CEP89: variants seen among roughly 807,000 people sequenced by gnomAD.
CEP89 encodes centrosomal protein 89, also known as centrosomal protein of 89 kDa.
CEP89 carries 95 observed loss-of-function variants against 97.6 expected under a neutral mutation model. That is an observed-to-expected ratio of 0.97 (90% confidence interval 0.82 to 1.15). The LOEUF is 1.15. Ranked by LOEUF, CEP89 falls within the 50% of genes most tolerant of loss-of-function variation. The pLI, the probability that CEP89 is intolerant of heterozygous loss-of-function variation, is 0.00. For synonymous variants in CEP89, 354 were observed against 349.1 expected, an observed-to-expected ratio of 1.01 and a Z score of -0.16; for missense variants, 869 against 947.7, an observed-to-expected ratio of 0.92 and a Z score of 1.09.
At chr19:32,930,063 T>C (rs1970440464) in intron 9 of CEP89, among the ~76,000 whole-genome samples, 1 of 150,468 alleles carries the variant, frequency 6.6e-6, no homozygotes, top group Admixed American at 6.6e-5. Context: ...ACTCTCTCTG[T>C]CACCCAGGCT....
rs1344331570 is a variant in CEP89, at chr19:32,963,917, C to CACAT, written c.146+2442_146+2443insATGT. The CACAT allele has an allele frequency of 4.8e-5, 7 of 146,118 alleles. No homozygotes were observed. In the South Asian group the frequency reaches 1.5e-3, roughly 32 times the overall value. The allele number at this position is 146,118 out of a possible 1,614,324, so 9.1% of individuals were successfully genotyped here. A position where few individuals can be genotyped will look rare whatever the true frequency, so the allele number is the denominator to read the frequency against. On this transcript the variant is annotated intron_variant, in intron 2 of 18. Transcript: ENST00000305768. ...CCACACACACACACACACACACACA[C>CACAT]ACGCACTCACACGCATGCACATGAA...
intron 4 of CEP89, among the ~76,000 whole-genome samples, chr19:32,951,559 AC>A (rs1970918743): frequency 6.6e-6 from 1 of 150,930 alleles, no homozygotes; most frequent in Non-Finnish European, 1.5e-5. Context: ...ACACACACAC[AC>A]ACACACGCAC....
rs45470694 is a variant in CEP89, at chr19:32,881,950, C to A, written c.2029G>T (p.Glu677Ter). 3 of 1,596,406 alleles carry A rather than the reference C, an allele frequency of 1.9e-6. No individual in the cohort carries two copies. Among genetic ancestry groups the A allele is most frequent in the Non-Finnish European group, 1.7e-6 (2 of 1,172,184 alleles). Reference protein sequence around the residue: ...DISHRLLEQQEDFAGKTAQYR... With the variant: ...DISHRLLEQQ The stretch of plus-strand genomic sequence containing the variant: ...TGGGCTGTCTTGCCGGCGAAGTCCT[C>A]CTGCTGCTCCAGCAGACGGTGACTG... Residue 677 changes from glutamate (E) to a stop codon, truncating the protein, a stop_gained, in exon 18 of 19, where the codon GAG (glutamate) becomes TAG (stop). Transcript: ENST00000305768. LOFTEE classifies it high-confidence loss of function.
chr19:32,904,132 C>T (rs141771269), intron 14 of CEP89, among the ~76,000 whole-genome samples: 1 of 152,284 alleles, frequency 6.6e-6, no homozygotes, highest in East Asian at 1.9e-4. Flanking sequence ...TGCACTCCAG[C>T]CTGTCCAACA....
intron 9 of CEP89, among the ~76,000 whole-genome samples, chr19:32,928,848 C>T (rs960559746): frequency 2.6e-5 from 4 of 152,154 alleles, no homozygotes; most frequent in Admixed American, 6.5e-5. Flanking sequence ...CAGGCCCTTC[C>T]TCCCTGCTCT....
intron 9 of CEP89, among the ~76,000 whole-genome samples, chr19:32,929,354 C>A (rs571540014): frequency 6.6e-6 from 1 of 152,204 alleles, no homozygotes; most frequent in Non-Finnish European, 1.5e-5. Context: ...GTAATCCCAG[C>A]ACTTTGGGAG....
intron 16 of CEP89, among the ~76,000 whole-genome samples, chr19:32,889,337 G>A (rs1480472553): frequency 6.6e-6 from 1 of 152,182 alleles, no homozygotes; most frequent in East Asian, 1.9e-4. Context: ...GATAGCGGGT[G>A]TCTGCTTGGA....
chr19:32,923,412 A>G (rs1210468050), intron 12 of CEP89, 27 bp downstream of exon 12: 1 of 1,175,016 alleles, frequency 8.5e-7, no homozygotes, highest in Non-Finnish European at 1.2e-6. Flanking sequence ...TAAATTAGCA[A>G]AAGAGCAGAA....
At chr19:32,894,024 G>A (rs2145879502) in intron 16 of CEP89, among the ~76,000 whole-genome samples, 1 of 152,208 alleles carries the variant, frequency 6.6e-6, no homozygotes, top group South Asian at 2.1e-4. Flanking sequence ...TAGAAAGAAA[G>A]AAAAAACAAA....
intron 5 of CEP89, among the ~76,000 whole-genome samples, chr19:32,942,555 A>T (rs1332605084): frequency 6.6e-6 from 1 of 152,228 alleles, no homozygotes; most frequent in African/African-American, 2.4e-5. Context: ...TATCTTAGTC[A>T]TGAACTTTTC....
At chr19:32,924,676 T>TGGCA (rs955841705) in intron 11 of CEP89, among the ~76,000 whole-genome samples, 4 of 152,198 alleles carry the variant, frequency 2.6e-5, no homozygotes, top group African/African-American at 9.6e-5. Context: ...CACTCACTGC[T>TGGCA]GGCAGTCCAT....
rs150663365 is a variant in CEP89 at position 32,931,497 on chromosome 19, T to C, written c.961A>G (p.Thr321Ala). ...AGTTCTACATTCAAACGATGGACAG[T>C]CATTTTCAATCCATCATTTTCATCC... ...LVDENDGLKMTVHRLNVELSR... is the reference protein window; with the variant it reads ...LVDENDGLKMAVHRLNVELSR... Residue 321 changes from threonine to alanine, a missense_variant, in exon 9 of 19, where the codon ACT (threonine) becomes GCT (alanine). Physicochemically the swap from Thr to Ala is moderately conservative, Grantham distance 58. Transcript: ENST00000305768. 315 of 1,591,242 alleles carry C rather than the reference T, an allele frequency of 2.0e-4. No individual in the cohort carries two copies. The highest frequency in any genetic ancestry group is 2.4e-4 in the Non-Finnish European group (285 of 1,174,590).
chr19:32,942,786 A>G (rs35693125), intron 5 of CEP89, among the ~76,000 whole-genome samples: 30,224 of 151,878 alleles, frequency 0.2, 3,096 homozygotes, highest in African/African-American at 0.23. Context: ...AATAACAGCA[A>G]AAGGCTTCAA....
At chr19:32,883,212 A>G (rs1252912956) in intron 17 of CEP89, among the ~76,000 whole-genome samples, 1 of 151,552 alleles carries the variant, frequency 6.6e-6, no homozygotes, top group Non-Finnish European at 1.5e-5. Flanking sequence ...AGTCCCACAG[A>G]CTCATTTTTT....
chr19:32,961,291 C>T (rs10404403), intron 2 of CEP89, among the ~76,000 whole-genome samples: 56,065 of 151,524 alleles, frequency 0.37, 10,540 homozygotes, highest in Admixed American at 0.48. Context: ...AAAGACCCGG[C>T]CAGGCACAGT....
intron 9 of CEP89, among the ~76,000 whole-genome samples, chr19:32,927,913 T>C (rs1289924205): frequency 6.7e-6 from 1 of 149,444 alleles, no homozygotes; most frequent in Non-Finnish European, 1.5e-5. Flanking sequence ...CTTTTTTTTT[T>C]TTTTTCTTTT....
intron 16 of CEP89, among the ~76,000 whole-genome samples, chr19:32,893,655 CT>C (rs1422790568): frequency 6.6e-6 from 1 of 152,176 alleles, no homozygotes; most frequent in Non-Finnish European, 1.5e-5. Flanking sequence ...TTTAAAAATA[CT>C]GACATCATGT....
At chr19:32,956,049 CTTTTTTTTTT>C (rs202179963) in intron 3 of CEP89, among the ~76,000 whole-genome samples, 45,691 of 106,522 alleles carry the variant, frequency 0.43, 7,673 homozygotes, top group Admixed American at 0.56. Flanking sequence ...CAATTTGGTT[CTTTTTTTTTT>C]TTTTTTTTTT....
intron 18 of CEP89, among the ~76,000 whole-genome samples, chr19:32,880,625 C>G (rs1274116318): frequency 1.5e-5 from 2 of 129,604 alleles, no homozygotes; most frequent in African/African-American, 6.0e-5. Context: ...GGCAACAGAG[C>G]AAGACCTTGT....
Sources: allele counts gnomAD v4.1 joint callset (sites outside exome capture counted in the v4.1 genomes callset), GRCh38; gene constraint gnomAD v4.1.1; transcripts MANE v1.5; gene names NCBI Gene and HGNC (gene_info 2026-07-23, HGNC 2026-07-21).